PROC: variants seen among roughly 807,000 people sequenced by gnomAD.
PROC encodes the protein protein C, inactivator of coagulation factors Va and VIIIa.
A neutral mutation model predicts 36.3 loss-of-function variants in PROC; 22 were observed. The ratio of observed to expected loss-of-function variants is 0.61; its 90% CI spans 0.43 to 0.86. PROC has a LOEUF of 0.86. Ranked by LOEUF, PROC falls within the 40% of genes least tolerant of loss-of-function variation. PROC has a pLI of 0.00. For missense variants in PROC, 526 were observed against 629.7 expected (o/e 0.84, Z 1.76); for synonymous variants, 218 against 244.5 (o/e 0.89, Z 1.01).
At chr2:127,420,178 G>C (rs1373278633) in intron 2 of PROC, among the ~76,000 whole-genome samples, 166 bp downstream of exon 2, 1 of 152,220 alleles carries the variant, frequency 6.6e-6, no homozygotes, top group East Asian at 1.9e-4. Flanking sequence ...TAGGCCAGCT[G>C]CCAGAGTGCC....
chr2:127,424,220 T>C (rs1201346540), intron 6 of PROC, among the ~76,000 whole-genome samples: 2 of 152,180 alleles, frequency 1.3e-5, no homozygotes, highest in African/African-American at 2.4e-5. Flanking sequence ...TTTTTTGAGA[T>C]GGAGTTTCAC....
chr2:127,419,594 A>G, intron 1 of PROC: 1 of 405,954 alleles, frequency 2.5e-6, no homozygotes, highest in Non-Finnish European at 4.7e-6. Context: ...TGAGTGTCCA[A>G]TCAACGTTAG....
rs1384041670 is a variant in PROC, at chr2:127,418,479, C to G, written c.-35C>G. The G allele has an allele frequency of 7.8e-7, 1 of 1,289,828 alleles. No individual in the cohort carries two copies. The highest frequency in any genetic ancestry group is 1.2e-5 in the South Asian group (1 of 81,030). 79.9% of individuals were successfully genotyped at this position (1,289,828 alleles called of 1,614,324 possible). ...CAGGACGGCGAACTTGCAGTATCTC[C>G]ACGACCCGCCCCTGTGAGTCCCCCT... On this transcript the variant is annotated 5_prime_UTR_variant, in exon 1 of 9. Transcript: ENST00000234071. The surrounding 1 kb of genome is among the most constrained non-coding windows in gnomAD (Gnocchi z 4.8).
chr2:127,426,284 A>C lies in PROC; in HGVS notation c.678+57A>C, dbSNP rs914724476. On this transcript the variant is annotated intron_variant, in intron 7 of 8. Transcript: ENST00000234071. The surrounding 1 kb of genome is among the most constrained non-coding windows in gnomAD (Gnocchi z 7.0). ...TGCTGGGTCCGGGATCACTGAGTCC[A>C]TCCTGGCAGCTATGCTCAGGGTGCA... 6.2e-7 allele frequency: 1 copy of C among 1,611,122 alleles called. No individual in the cohort carries two copies. The highest frequency in any genetic ancestry group is 1.3e-5 in the African/African-American group (1 of 74,864).
rs370195170 is a variant in PROC at position 127,423,971 on chromosome 2, T to C, written c.535+563T>C. On this transcript the variant is annotated intron_variant, in intron 6 of 8. Transcript: ENST00000234071. ...CATTTCAGCATGCTGTTCCTTGGCA[T>C]GGGTCCTTTTTTCATTCATTTTCAT... 7.2e-5 allele frequency among the ~76,000 whole-genome samples: 11 copies of C among 152,336 alleles called. No homozygotes were observed. The East Asian group carries it at 1.9e-3, about 27-fold the overall frequency.
At position 127,428,868 on chromosome 2, in the gene PROC, C is replaced by G; in HGVS notation, c.1308C>G (p.Thr436=). The G allele has an allele frequency of 6.2e-7, 1 of 1,613,788 alleles. No individual in the cohort carries two copies. Among genetic ancestry groups the G allele is most frequent in the Non-Finnish European group, 8.5e-7 (1 of 1,179,952 alleles). Residue 436 remains threonine (T), a synonymous_variant, in exon 9 of 9, where the codon ACC becomes ACG. Coordinates refer to ENST00000234071, the MANE Select transcript of PROC (RefSeq NM_000312.4). ...TCCTTCACAACTACGGCGTTTACAC[C>G]AAAGTCAGCCGCTACCTCGACTGGA... ...CGLLHNYGVY[T]KVSRYLDWIH...
At chr2:127,420,202 C>G (rs1688008824) in intron 2 of PROC, among the ~76,000 whole-genome samples, 190 bp downstream of exon 2, 1 of 152,180 alleles carries the variant, frequency 6.6e-6, no homozygotes, top group African/African-American at 2.4e-5. Flanking sequence ...CAGGGGCTGC[C>G]AGGGCAGGCA....
At chr2:127,419,824 G>T in intron 1 of PROC, 98 bp from the exon 2 acceptor site, 1 of 1,595,168 alleles carries the variant, frequency 6.3e-7, no homozygotes, top group Admixed American at 1.7e-5. Context: ...CTGACGGCCA[G>T]CACACAGGGA....
chr2:127,428,162 G>A (rs964683303), intron 8 of PROC, among the ~76,000 whole-genome samples, 195 bp from the exon 9 acceptor site: 13 of 152,218 alleles, frequency 8.5e-5, no homozygotes, highest in African/African-American at 2.7e-4. Context: ...AAAAGTCACC[G>A]TTGATAGGGT....
chr2:127,428,884 C>A lies in PROC; in HGVS notation c.1324C>A (p.Leu442Ile), dbSNP rs1688710704. Residue 442 changes from leucine to isoleucine, a missense_variant, in exon 9 of 9, where the codon CTC (leucine) becomes ATC (isoleucine). Leu to Ile is a conservative substitution (Grantham distance 5, BLOSUM62 2). Coordinates refer to ENST00000234071, the MANE Select transcript of PROC (RefSeq NM_000312.4). Reference protein sequence around the residue: ...YGVYTKVSRYLDWIHGHIRDK... With the variant: ...YGVYTKVSRYIDWIHGHIRDK... ...CGTTTACACCAAAGTCAGCCGCTAC[C>A]TCGACTGGATCCATGGGCACATCAG... The A allele has an allele frequency of 6.2e-7, 1 of 1,613,970 alleles. No homozygotes were observed. Among genetic ancestry groups the A allele is most frequent in the Non-Finnish European group, 8.5e-7 (1 of 1,180,022 alleles).
In PROC at chr2:127,428,667, G is replaced by A. The variant is rs61731660; in HGVS notation, c.1107G>A (p.Pro369=). The change falls in exon 9 of 9, where the codon CCG becomes CCA. Residue 369 remains proline (P), a synonymous_variant. Transcript: ENST00000234071. ...VLNFIKIPVV[P]HNECSEVMSN... is the part of the protein sequence containing the mutation. ...ACTTCATCAAGATTCCCGTGGTCCC[G>A]CACAATGAGTGCAGCGAGGTCATGA... 4,669 of 1,613,938 alleles carry A rather than the reference G, an allele frequency of 2.9e-3. 78 individuals are homozygous for A. The African/African-American group carries it at 0.042, about 14-fold the overall frequency.
In PROC at chr2:127,426,022, A is replaced by G. The variant is rs1688470512; in HGVS notation, c.536-63A>G. 3 of 1,610,752 alleles carry G rather than the reference A, an allele frequency of 1.9e-6. No homozygotes were observed. The highest frequency in any genetic ancestry group is 2.5e-6 in the Non-Finnish European group (3 of 1,177,762). Reference sequence around the variant, plus strand: ...TGGCCCACAGGCTGGAGGAGGACCAAGACAGGAGGGCAGTCTCGGGAGGAG... The same window carrying G: ...TGGCCCACAGGCTGGAGGAGGACCAGGACAGGAGGGCAGTCTCGGGAGGAG... On this transcript the variant is annotated intron_variant, in intron 6 of 8. Coordinates refer to ENST00000234071, the MANE Select transcript of PROC (RefSeq NM_000312.4). The surrounding 1 kb of genome is among the most constrained non-coding windows in gnomAD (Gnocchi z 7.0).
chr2:127,423,144 G>A lies in PROC; in HGVS notation c.373G>A (p.Gly125Ser), dbSNP rs1365375071. The change falls in exon 5 of 9, where the codon GGC (glycine) becomes AGC (serine). Residue 125 changes from glycine to serine, a missense_variant. Physicochemically the swap from Gly to Ser is moderately conservative, Grantham distance 56. Transcript: ENST00000234071. ...IGSFSCDCRS[G>S]WEGRFCQREV... is the part of the protein sequence containing the mutation. ...CAGCTTCAGCTGCGACTGCCGCAGC[G>A]GCTGGGAGGGCCGCTTCTGCCAGCG... The A allele has an allele frequency of 1.9e-6, 3 of 1,600,314 alleles. No individual in the cohort carries two copies.
chr2:127,421,474 A>C, intron 3 of PROC, 25 bp downstream of exon 3: 1 of 1,613,412 alleles, frequency 6.2e-7, no homozygotes, highest in Non-Finnish European at 8.5e-7. Flanking sequence ...GGTCCAGAGG[A>C]TGAGGCTCAG....
chr2:127,423,676 G>C (rs1688288548), intron 6 of PROC: 1 of 495,998 alleles, frequency 2.0e-6, no homozygotes, highest in Admixed American at 4.0e-5. Context: ...CGCACCTGGG[G>C]CCACCTCCTG....
rs1573442055 is a variant in PROC at position 127,422,915 on chromosome 2, A to G, written c.238-2A>G. 1 of 1,568,274 alleles carries G rather than the reference A, an allele frequency of 6.4e-7. No homozygotes were observed. The highest frequency in any genetic ancestry group is 1.4e-5 in the African/African-American group (1 of 73,600). ...GCCTGACGCTGCCCGCTCTCTCCGCAGCTGGCCTTCTGGTCCAAGCACGTC... is the reference window on the plus strand; with the variant it reads ...GCCTGACGCTGCCCGCTCTCTCCGCGGCTGGCCTTCTGGTCCAAGCACGTC... On this transcript the variant is annotated splice_acceptor_variant, in intron 3 of 8. Transcript: ENST00000234071. LOFTEE classifies it high-confidence loss of function.
At chr2:127,422,438 G>T (rs1008018608) in intron 3 of PROC, among the ~76,000 whole-genome samples, 1 of 152,216 alleles carries the variant, frequency 6.6e-6, no homozygotes, top group Non-Finnish European at 1.5e-5. Context: ...AGCAGCAGCC[G>T]CCGCAGCAGC....
intron 3 of PROC, 96 bp from the exon 4 acceptor site, chr2:127,422,821 C>G (rs1688188338): frequency 6.7e-7 from 1 of 1,496,050 alleles, no homozygotes; most frequent in Non-Finnish European, 9.0e-7. Context: ...GAAGCCCTCC[C>G]CTCCCCTGCC....
At chr2:127,425,084 G>C (rs1197103556) in intron 6 of PROC, among the ~76,000 whole-genome samples, 4 of 152,222 alleles carry the variant, frequency 2.6e-5, no homozygotes, top group Non-Finnish European at 5.9e-5. Flanking sequence ...GGGGAGTCAA[G>C]TCAGTGAGGA....
Sources: gnomAD v4.1 joint callset for allele counts (sites outside exome capture counted in the v4.1 genomes callset) on GRCh38, gnomAD v4.1.1 for gene constraint, Gnocchi (gnomAD v3.1) non-coding constraint, MANE v1.5 for transcripts, NCBI Gene and HGNC (gene_info 2026-07-23, HGNC 2026-07-21) for gene names.